ATP8A1: variants seen among roughly 807,000 people sequenced by gnomAD.
ATP8A1 encodes the protein ATPase phospholipid transporting 8A1.
Under a neutral mutation model 177.7 loss-of-function variants are expected in ATP8A1, and 90 were observed. The observed-to-expected ratio is 0.51, with a 90% CI of 0.43 to 0.60. The LOEUF (loss-of-function observed/expected upper bound fraction) is 0.60, where lower values mean the gene tolerates loss of function less well. ATP8A1 is among the 20% of genes least tolerant of loss of function. The probability of loss-of-function intolerance (pLI) is 0.00; values close to 1 mark genes in which losing one functional copy is unlikely to be tolerated. For missense variants in ATP8A1, 1,072 were observed against 1,392.8 expected (o/e 0.77, Z 3.67); for synonymous variants, 493 against 485.9 (o/e 1.01, Z -0.19).
At chr4:42,541,681 A>G (rs1203277982) in intron 20 of ATP8A1, among the ~76,000 whole-genome samples, 1 of 152,220 alleles carries the variant, frequency 6.6e-6, no homozygotes, top group African/African-American at 2.4e-5. Flanking sequence ...TGGATTATTC[A>G]GTGCTAAAAA....
intron 30 of ATP8A1, 152 bp downstream of exon 30, chr4:42,451,829 C>CA (rs1390055021): frequency 2.0e-6 from 1 of 494,130 alleles, no homozygotes; most frequent in Admixed American, 3.9e-5. Context: ...TAAAAATCTT[C>CA]AAAGTGTGTA....
At chr4:42,635,933 T>C (rs62303565) in intron 1 of ATP8A1, among the ~76,000 whole-genome samples, 26,171 of 150,334 alleles carry the variant, frequency 0.17, 2,457 homozygotes, top group Non-Finnish European at 0.21. Context: ...CAGTTCAAGA[T>C]ACCACAGATT....
At chr4:42,504,489 T>C (rs150173481) in intron 23 of ATP8A1, among the ~76,000 whole-genome samples, 109 of 152,362 alleles carry the variant, frequency 7.2e-4, no homozygotes, top group African/African-American at 2.5e-3. Flanking sequence ...TCTCATACTC[T>C]ACATCTATCA....
At chr4:42,631,422 T>C (rs1005205844) in intron 1 of ATP8A1, among the ~76,000 whole-genome samples, 1 of 152,110 alleles carries the variant, frequency 6.6e-6, no homozygotes, top group African/African-American at 2.4e-5. Flanking sequence ...TCAATTCAAC[T>C]CTCCCAGATT....
rs549197218 is a variant in ATP8A1, at chr4:42,625,355, A to C, written c.264+259T>G. 8.0e-5 allele frequency: 22 copies of C among 275,440 alleles called. No individual in the cohort carries two copies. In the East Asian group the frequency reaches 8.6e-4, roughly 11 times the overall value. 17.1% of individuals were successfully genotyped at this position (275,440 alleles called of 1,614,324 possible). On this transcript the variant is annotated intron_variant, in intron 3 of 36. Transcript: ENST00000381668. Reference sequence around the variant, plus strand: ...TACTATGAAAATTAGCATTTTAAGAAAACGTCCCATCCCCTTTACCACCCA... The same window carrying C: ...TACTATGAAAATTAGCATTTTAAGACAACGTCCCATCCCCTTTACCACCCA...
chr4:42,543,032 C>T (rs902899971), intron 20 of ATP8A1, among the ~76,000 whole-genome samples: 3 of 152,044 alleles, frequency 2.0e-5, no homozygotes, highest in Admixed American at 6.6e-5. Context: ...GTGTTTTAAT[C>T]GATGAGAATA....
chr4:42,491,879 T>G (rs1722774345), intron 24 of ATP8A1, among the ~76,000 whole-genome samples: 1 of 152,134 alleles, frequency 6.6e-6, no homozygotes, highest in Non-Finnish European at 1.5e-5. Flanking sequence ...GTAGAGAATG[T>G]GGAAACATCC....
rs560852061 is a variant in ATP8A1, at chr4:42,588,573, G to A, written c.525-244C>T. The A allele has an allele frequency of 1.6e-4, 63 of 396,132 alleles. 1 individual carries two copies. In the South Asian group the frequency reaches 2.2e-3, roughly 14 times the overall value. The allele number at this position is 396,132 out of a possible 1,614,324, so 24.5% of individuals were successfully genotyped here. ...AATTTCCTGACAACAATCAGTAATG[G>A]TCTTCAAGATAATGCAAATGAATAG... On this transcript the variant is annotated intron_variant, in intron 7 of 36. Coordinates refer to ENST00000381668, the MANE Select transcript of ATP8A1 (RefSeq NM_006095.2).
At chr4:42,467,607 C>A (rs909159564) in intron 25 of ATP8A1, among the ~76,000 whole-genome samples, 1 of 152,130 alleles carries the variant, frequency 6.6e-6, no homozygotes, top group Non-Finnish European at 1.5e-5. Flanking sequence ...TCAGGAGAAT[C>A]GCTTGAACCC....
rs371776232 is a variant in ATP8A1 at position 42,455,470 on chromosome 4, C to A, written c.2695-51G>T. 18 of 1,613,384 alleles carry A rather than the reference C, an allele frequency of 1.1e-5. No homozygotes were observed. The African/African-American group carries it at 2.4e-4, about 22-fold the overall frequency. On this transcript the variant is annotated intron_variant, in intron 28 of 36. Transcript: ENST00000381668. Reference sequence around the variant, plus strand: ...GTCAAGCAGCCAAATGCAGGGTGAACCTTTATCTCCCAAGTATTCAATGAA... The same window carrying A: ...GTCAAGCAGCCAAATGCAGGGTGAAACTTTATCTCCCAAGTATTCAATGAA...
At chr4:42,611,100 A>C (rs1736322551) in intron 5 of ATP8A1, among the ~76,000 whole-genome samples, 1 of 152,148 alleles carries the variant, frequency 6.6e-6, no homozygotes, top group African/African-American at 2.4e-5. Context: ...TCAACTCAAC[A>C]CCTTTTTCAC....
At chr4:42,613,343 C>CT (rs1473191646) in intron 5 of ATP8A1, among the ~76,000 whole-genome samples, 1 of 151,004 alleles carries the variant, frequency 6.6e-6, no homozygotes, top group Non-Finnish European at 1.5e-5. Context: ...TACAGTCCCC[C>CT]CTCAATATCC....
chr4:42,549,202 A>G lies in ATP8A1; in HGVS notation c.1603-140T>C, dbSNP rs111997818. The G allele has an allele frequency of 8.6e-4, 558 of 647,506 alleles. 2 individuals carry two copies. The highest frequency in any genetic ancestry group is 4.9e-3 in the South Asian group (222 of 45,026). 40.1% of individuals were successfully genotyped at this position (647,506 alleles called of 1,614,324 possible). A position where few individuals can be genotyped will look rare whatever the true frequency, so the allele number is the denominator to read the frequency against. On this transcript the variant is annotated intron_variant, in intron 18 of 36. Coordinates refer to ENST00000381668, the MANE Select transcript of ATP8A1 (RefSeq NM_006095.2). ...CCTGCTGAAATATGGAAGGGAGCTT[A>G]CTAACTTTTACGTAAATTGAGTTAC...
Position 42,455,644 on chromosome 4 carries a change from T to G in ATP8A1, c.2620-45A>C, listed in dbSNP as rs1188116771. 9 of 1,559,404 alleles carry G rather than the reference T, an allele frequency of 5.8e-6. No homozygotes were observed. In the East Asian group the frequency reaches 2.0e-4, roughly 35 times the overall value. On this transcript the variant is annotated intron_variant, in intron 27 of 36. Coordinates refer to ENST00000381668, the MANE Select transcript of ATP8A1 (RefSeq NM_006095.2). ...ACCCCCAAATTAGAATACAAAAGCA[T>G]AAATGCATTGCTTAGAATCTGTTGT...
At chr4:42,474,242 C>T (rs1036323863) in intron 25 of ATP8A1, among the ~76,000 whole-genome samples, 1 of 152,042 alleles carries the variant, frequency 6.6e-6, no homozygotes, top group South Asian at 2.1e-4. Context: ...AGAAGCTGAG[C>T]GGCATGGAGG....
intron 30 of ATP8A1, among the ~76,000 whole-genome samples, chr4:42,449,084 C>G (rs1220733834): frequency 6.6e-6 from 1 of 152,116 alleles, no homozygotes; most frequent in African/African-American, 2.4e-5. Context: ...GATCCACCTG[C>G]ATTGGGCTCC....
intron 23 of ATP8A1, 36 bp from the exon 24 acceptor site, chr4:42,503,550 C>T (rs1724066201): frequency 1.5e-6 from 2 of 1,342,072 alleles, no homozygotes; most frequent in Non-Finnish European, 2.1e-6. Flanking sequence ...AAATTAATTT[C>T]TCCAGAGAAT....
intron 30 of ATP8A1, among the ~76,000 whole-genome samples, chr4:42,449,928 C>CT (rs916037852): frequency 6.6e-5 from 10 of 152,290 alleles, no homozygotes; most frequent in Non-Finnish European, 1.5e-4. Context: ...TATTCAATTT[C>CT]TTTTTTTCTA....
chr4:42,483,096 G>A (rs942615926), intron 25 of ATP8A1, among the ~76,000 whole-genome samples: 16 of 152,138 alleles, frequency 1.1e-4, no homozygotes, highest in Non-Finnish European at 2.1e-4. Context: ...TACACAGAAT[G>A]GCCCACCTAT....
Sources: allele counts gnomAD v4.1 joint callset (sites outside exome capture counted in the v4.1 genomes callset), GRCh38; gene constraint gnomAD v4.1.1; transcripts MANE v1.5; gene names NCBI Gene and HGNC (gene_info 2026-07-23, HGNC 2026-07-21).